The following BMPR1B variants were observed in gnomAD, a reference collection of about 807,000 sequenced individuals.
The protein encoded by BMPR1B is bone morphogenetic protein receptor type 1B.
A neutral mutation model predicts 59.1 loss-of-function variants in BMPR1B; 12 were observed. The observed-to-expected ratio is 0.20, with a 90% CI of 0.13 to 0.33. The LOEUF (loss-of-function observed/expected upper bound fraction) is 0.33. Ranked by LOEUF, BMPR1B falls within the 10% of genes least tolerant of loss-of-function variation. BMPR1B has a pLI of 1.00. For missense variants in BMPR1B, 550 were observed against 610.9 expected, an observed-to-expected ratio of 0.90 and a Z score of 1.05; for synonymous variants, 237 against 207.3, an observed-to-expected ratio of 1.14 and a Z score of -1.23.
At chr4:95,069,725 C>G (rs1728131907) in intron 3 of BMPR1B, among the ~76,000 whole-genome samples, 1 of 152,086 alleles carries the variant, frequency 6.6e-6, no homozygotes, top group South Asian at 2.1e-4. Context: ...CTGCTATGTC[C>G]TTGGGCCTAG....
At chr4:94,762,333 A>G (rs1191826512) in intron 1 of BMPR1B, among the ~76,000 whole-genome samples, 1 of 152,188 alleles carries the variant, frequency 6.6e-6, no homozygotes, top group Non-Finnish European at 1.5e-5. Flanking sequence ...CAATAGTGAA[A>G]TTTGCCATTA....
At chr4:95,097,460 A>G (rs1169510832) in intron 3 of BMPR1B, among the ~76,000 whole-genome samples, 1 of 152,144 alleles carries the variant, frequency 6.6e-6, no homozygotes, top group Non-Finnish European at 1.5e-5. Flanking sequence ...TTTAAAATGC[A>G]TTTGGGAAGA....
In BMPR1B at chr4:95,156,309, C is replaced by CAA. The variant is rs1735416086; in HGVS notation, c.*1636_*1637insAA. On this transcript the variant is annotated 3_prime_UTR_variant, in exon 13 of 13. Coordinates refer to ENST00000515059, the MANE Select transcript of BMPR1B (RefSeq NM_001203.3). The stretch of plus-strand genomic sequence containing the variant: ...TTAGTAAAGAATTTGAAAGTACTTT[C>CAA]TCCTTGCTGTTTTTTTTTTTTTTTA... 2.7e-5 allele frequency: 4 copies of CAA among 149,330 alleles called. No homozygotes were observed. Among genetic ancestry groups the CAA allele is most frequent in the Non-Finnish European group, 5.9e-5 (4 of 67,640 alleles). 9.3% of individuals were successfully genotyped at this position (149,330 alleles called of 1,614,324 possible).
intron 2 of BMPR1B, among the ~76,000 whole-genome samples, chr4:94,934,227 G>A (rs1185974110): frequency 6.6e-6 from 1 of 152,080 alleles, no homozygotes; most frequent in Non-Finnish European, 1.5e-5. Flanking sequence ...CTTCTCTTTA[G>A]TGCTAAGTCA....
chr4:94,839,375 T>C (rs1022664703), intron 1 of BMPR1B, among the ~76,000 whole-genome samples: 2 of 146,546 alleles, frequency 1.4e-5, no homozygotes, highest in South Asian at 2.2e-4. Flanking sequence ...AAATCTCCCA[T>C]TATTAATGTG....
chr4:94,902,245 CACACAGAGAGAGAGAGAGAGAGAG>C (rs1183246951), intron 2 of BMPR1B, among the ~76,000 whole-genome samples: 3 of 91,692 alleles, frequency 3.3e-5, no homozygotes, highest in Non-Finnish European at 6.6e-5. Flanking sequence ...CACACACACA[CACACAGAGAGAGAGAGAGAGAGAG>C]AGAGAGAGAG....
rs775026990 is a variant in BMPR1B, at chr4:95,115,805, C to G, written c.349+18C>G. 3 of 1,585,632 alleles carry G rather than the reference C, an allele frequency of 1.9e-6. No individual in the cohort carries two copies. The highest frequency in any genetic ancestry group is 2.2e-5 in the East Asian group (1 of 44,710). On this transcript the variant is annotated intron_variant, in intron 6 of 12. Coordinates refer to ENST00000515059, the MANE Select transcript of BMPR1B (RefSeq NM_001203.3). ...AAACAGAGGTAAGTGAGGAAGGCTT[C>G]CAGCCTGGAAAATCACTAGGTATCA...
At chr4:95,110,463 AC>A (rs1731549940) in intron 4 of BMPR1B, among the ~76,000 whole-genome samples, 1 of 152,134 alleles carries the variant, frequency 6.6e-6, no homozygotes, top group South Asian at 2.1e-4. Context: ...TAATGTTGTA[AC>A]TTCACCTTCT....
intron 2 of BMPR1B, among the ~76,000 whole-genome samples, chr4:94,971,208 C>G (rs1274264638): frequency 2.6e-5 from 4 of 152,060 alleles, no homozygotes; most frequent in African/African-American, 9.7e-5. Flanking sequence ...TTTTTTCCCT[C>G]TAGTAATGGA....
At chr4:94,846,161 C>A (rs1003632092) in intron 1 of BMPR1B, among the ~76,000 whole-genome samples, 1 of 152,186 alleles carries the variant, frequency 6.6e-6, no homozygotes, top group East Asian at 1.9e-4. Flanking sequence ...TAAATCCATA[C>A]ATCTACAGTG....
chr4:95,066,364 G>GGAAAA (rs200183487), intron 3 of BMPR1B, among the ~76,000 whole-genome samples: 13,639 of 152,186 alleles, frequency 0.09, 675 homozygotes, highest in Middle Eastern at 0.17. Flanking sequence ...TCCCACTCAG[G>GGAAAA]GCCATGGCCA....
intron 1 of BMPR1B, among the ~76,000 whole-genome samples, chr4:94,872,051 T>A (rs746490049): frequency 2.6e-4 from 39 of 152,358 alleles, no homozygotes; most frequent in Non-Finnish European, 4.4e-4. Flanking sequence ...GTCTTAATGC[T>A]ATCTTTATAA....
chr4:95,098,803 A>G (rs1442650519), intron 3 of BMPR1B, among the ~76,000 whole-genome samples: 54 of 151,700 alleles, frequency 3.6e-4, no homozygotes, highest in Non-Finnish European at 2.4e-4. Flanking sequence ...TGCAAGCTCC[A>G]CCTCCCAGGT....
At chr4:94,859,980 A>G (rs931113465) in intron 1 of BMPR1B, among the ~76,000 whole-genome samples, 1 of 152,146 alleles carries the variant, frequency 6.6e-6, no homozygotes, top group African/African-American at 2.4e-5. Context: ...GCAGATTTTC[A>G]TCAGTGACTT....
At chr4:95,043,231 C>T (rs1050820038) in intron 3 of BMPR1B, among the ~76,000 whole-genome samples, 1 of 135,074 alleles carries the variant, frequency 7.4e-6, no homozygotes, top group Non-Finnish European at 1.6e-5. Flanking sequence ...CACAGTTTAT[C>T]TATCACCTAG....
At position 95,020,246 on chromosome 4, in the gene BMPR1B, G is replaced by T. The variant is rs150749600; in HGVS notation, c.-18+24112G>T. Among the ~76,000 whole-genome samples the T allele has an allele frequency of 3.4e-3, 521 of 152,258 alleles. 3 individuals carry two copies. The highest frequency in any genetic ancestry group is 0.012 in the African/African-American group (495 of 41,550). On this transcript the variant is annotated intron_variant, in intron 3 of 12. Coordinates refer to ENST00000515059, the MANE Select transcript of BMPR1B (RefSeq NM_001203.3). ...GATCTAATGAGTAGAAGTCAAGGAT[G>T]CTGCTAAACATCTTACACTACAAGG...
At chr4:94,846,697 A>G (rs895203000) in intron 1 of BMPR1B, among the ~76,000 whole-genome samples, 2 of 152,010 alleles carry the variant, frequency 1.3e-5, no homozygotes, top group African/African-American at 4.8e-5. Context: ...TCCCCTTTAT[A>G]TGTATATATG....
chr4:94,880,824 C>T (rs113266263), intron 2 of BMPR1B, among the ~76,000 whole-genome samples: 17,759 of 151,528 alleles, frequency 0.12, 1,071 homozygotes, highest in Non-Finnish European at 0.14. Flanking sequence ...TTAGTAGAGA[C>T]GGGGTTTCAC....
At chr4:94,788,046 C>T (rs1307337263) in intron 1 of BMPR1B, among the ~76,000 whole-genome samples, 1 of 152,104 alleles carries the variant, frequency 6.6e-6, no homozygotes, top group Non-Finnish European at 1.5e-5. Flanking sequence ...ATCTGAAAAT[C>T]AAAGGGTGGA....
Sources: allele counts gnomAD v4.1 joint callset (sites outside exome capture counted in the v4.1 genomes callset), GRCh38; gene constraint gnomAD v4.1.1; transcripts MANE v1.5; gene names NCBI Gene and HGNC (gene_info 2026-07-23, HGNC 2026-07-21).